FLT3: variants seen among roughly 807,000 people sequenced by gnomAD.
FLT3 encodes the protein fms related receptor tyrosine kinase 3, also known as receptor-type tyrosine-protein kinase FLT3.
FLT3 carries 46 observed loss-of-function variants against 126.6 expected under a neutral mutation model. That is an observed-to-expected ratio of 0.36 (90% confidence interval 0.29 to 0.46). The LOEUF (loss-of-function observed/expected upper bound fraction) is 0.46. Ranked by LOEUF, FLT3 falls within the 20% of genes least tolerant of loss-of-function variation. The pLI is 1.00. For synonymous variants in FLT3, 404 were observed against 434.4 expected (o/e 0.93, Z 0.87); for missense variants, 1,069 against 1,190.3 (o/e 0.90, Z 1.50).
intron 3 of FLT3, among the ~76,000 whole-genome samples, chr13:28,060,149 C>T (rs1860807952): frequency 6.7e-6 from 1 of 149,082 alleles, no homozygotes; most frequent in South Asian, 2.1e-4. Flanking sequence ...AATCCCAGCA[C>T]TTTGGGAGGC....
At chr13:28,032,939 C>T (rs1466610541) in intron 15 of FLT3, among the ~76,000 whole-genome samples, 1 of 152,106 alleles carries the variant, frequency 6.6e-6, no homozygotes, top group Non-Finnish European at 1.5e-5. Flanking sequence ...GCTGGGTCAG[C>T]GGTGGTAACG....
chr13:28,098,314 C>CAAAAAAAAA (rs55675449), intron 1 of FLT3, among the ~76,000 whole-genome samples: 13 of 85,298 alleles, frequency 1.5e-4, no homozygotes, highest in African/African-American at 5.1e-4. Flanking sequence ...GACTCCGTCT[C>CAAAAAAAAA]AAAAAAAAAA....
rs754405525 is a variant in FLT3, at chr13:28,035,401, T to C, written c.1597+94A>G. 4 of 1,162,210 alleles carry C rather than the reference T, an allele frequency of 3.4e-6. No individual in the cohort carries two copies. The Admixed American group carries it at 8.0e-5, about 23-fold the overall frequency. The allele number at this position is 1,162,210 out of a possible 1,614,324, so 72.0% of individuals were successfully genotyped here. ...TTTCTCACACACTGACCCTATACTC[T>C]CCTGTAAAATTCCCCAAGTAAAAGT... is the stretch of plus-strand genomic sequence containing the variant. On this transcript the variant is annotated intron_variant, in intron 12 of 23. Coordinates refer to ENST00000241453, the MANE Select transcript of FLT3 (RefSeq NM_004119.3).
chr13:28,019,636 C>T (rs935393021), intron 19 of FLT3, among the ~76,000 whole-genome samples: 1 of 152,152 alleles, frequency 6.6e-6, no homozygotes, highest in African/African-American at 2.4e-5. Flanking sequence ...CCACTTTACC[C>T]CAGGTCTGCA....
At chr13:28,015,820 A>G (rs1461346262) in intron 20 of FLT3, 119 bp from the exon 21 acceptor site, 1 of 650,712 alleles carries the variant, frequency 1.5e-6, no homozygotes, top group Non-Finnish European at 2.7e-6. Context: ...TGCCTTATTG[A>G]GAAAATCACA....
chr13:28,003,598 A>T lies in FLT3; in HGVS notation c.*454T>A. On this transcript the variant is annotated 3_prime_UTR_variant, in exon 24 of 24. Transcript: ENST00000241453. ...TTGCCCTAATTATACCATGTAAATAATTCAATAATGGGCAATTCTGTAGTA... is the reference window on the plus strand; with the variant it reads ...TTGCCCTAATTATACCATGTAAATATTTCAATAATGGGCAATTCTGTAGTA... 4.1e-6 allele frequency: 1 copy of T among 246,034 alleles called. No homozygotes were observed. The highest frequency in any genetic ancestry group is 8.0e-6 in the Non-Finnish European group (1 of 124,520). 15.2% of individuals were successfully genotyped at this position (246,034 alleles called of 1,614,324 possible).
chr13:28,038,368 G>T (rs1250775698), intron 9 of FLT3, among the ~76,000 whole-genome samples: 2 of 151,186 alleles, frequency 1.3e-5, no homozygotes, highest in Admixed American at 1.3e-4. Context: ...TGGAGAAAAA[G>T]AAAAAAATTC....
At chr13:28,039,224 T>A (rs1203354714) in intron 9 of FLT3, among the ~76,000 whole-genome samples, 2 of 152,188 alleles carry the variant, frequency 1.3e-5, no homozygotes, top group Non-Finnish European at 2.9e-5. Flanking sequence ...TTTATTGATA[T>A]GGAGTCTCAC....
Position 28,015,261 on chromosome 13 carries a change from G to A in FLT3, c.2654-5C>T, listed in dbSNP as rs2137611696. ...TGCCAGGGTAAGGATTCACACCTGA[G>A]GAAAACATTAGACAATTGCAGCCAT... On this transcript the variant is annotated splice_region_variant and splice_polypyrimidine_tract_variant and intron_variant, in intron 21 of 23. Transcript: ENST00000241453. 1.3e-6 allele frequency: 2 copies of A among 1,560,270 alleles called. No homozygotes were observed. Among genetic ancestry groups the A allele is most frequent in the Non-Finnish European group, 1.8e-6 (2 of 1,132,002 alleles).
intron 4 of FLT3, 140 bp downstream of exon 4, chr13:28,057,207 A>G (rs1876091389): frequency 1.6e-6 from 1 of 630,906 alleles, no homozygotes; most frequent in Non-Finnish European, 2.8e-6. Context: ...GAGGGTTGAC[A>G]GGAATCTAAT....
intron 19 of FLT3, among the ~76,000 whole-genome samples, chr13:28,022,024 A>G (rs1872438803): frequency 6.6e-6 from 1 of 151,680 alleles, no homozygotes; most frequent in African/African-American, 2.4e-5. Flanking sequence ...GGCGTGAGCT[A>G]CCACGCCCGG....
At chr13:28,075,602 G>A (rs1051756279) in intron 1 of FLT3, among the ~76,000 whole-genome samples, 6 of 151,762 alleles carry the variant, frequency 4.0e-5, no homozygotes, top group African/African-American at 1.5e-4. Flanking sequence ...GCGCATGCCT[G>A]TAGTCCCAGC....
At chr13:28,028,366 A>G (rs1873002496) in intron 15 of FLT3, 78 bp from the exon 16 acceptor site, 1 of 754,312 alleles carries the variant, frequency 1.3e-6, no homozygotes, top group Non-Finnish European at 2.3e-6. Context: ...AATTTTTCTC[A>G]GCTCAGAGTC....
At chr13:28,027,309 C>T in intron 16 of FLT3, 68 bp from the exon 17 acceptor site, 2 of 1,311,502 alleles carry the variant, frequency 1.5e-6, no homozygotes, top group Non-Finnish European at 2.1e-6. Context: ...GTCTATGTAG[C>T]AGACAACATA....
At chr13:28,036,873 G>A (rs979795291) in intron 10 of FLT3, among the ~76,000 whole-genome samples, 5 of 152,162 alleles carry the variant, frequency 3.3e-5, no homozygotes, top group South Asian at 4.1e-4. Flanking sequence ...CCAGCTACTC[G>A]GGAGGCTTAG....
At chr13:28,046,467 A>T (rs918332663) in intron 9 of FLT3, among the ~76,000 whole-genome samples, 2 of 152,224 alleles carry the variant, frequency 1.3e-5, no homozygotes, top group Non-Finnish European at 2.9e-5. Context: ...CATCATTTAC[A>T]AATTCTGTTG....
chr13:28,070,529 T>TG lies in FLT3; in HGVS notation c.126dup (p.Asn43GlnfsTer2). ...GATGACTTCCCCACTGATGAATCAT[T>TG]GTTCTTATGATTGATTAAAACACAC... On this transcript the variant is annotated frameshift_variant, in exon 2 of 24. Transcript: ENST00000241453. LOFTEE classifies it high-confidence loss of function. 1 of 1,603,674 alleles carries TG rather than the reference T, an allele frequency of 6.2e-7. No individual in the cohort carries two copies.
rs1164655708 is a variant in FLT3 at position 28,048,323 on chromosome 13, G to A, written c.1157C>T (p.Ser386Phe). The A allele has an allele frequency of 1.2e-6, 2 of 1,613,908 alleles. No homozygotes were observed. Among genetic ancestry groups the A allele is most frequent in the Non-Finnish European group, 1.7e-6 (2 of 1,179,942 alleles). The change falls in exon 9 of 24, where the codon TCT (serine) becomes TTT (phenylalanine). Residue 386 changes from serine to phenylalanine, a missense_variant. Coordinates refer to ENST00000241453, the MANE Select transcript of FLT3 (RefSeq NM_004119.3). ...YPQIRCTWTFSRKSFPCEQKG... is the reference protein window; with the variant it reads ...YPQIRCTWTFFRKSFPCEQKG... ...TTGCTCACAAGGAAATGATTTTCGA[G>A]AGAAGGTCCACGTACATCTGATTTG... is the stretch of plus-strand genomic sequence containing the variant.
chr13:28,064,593 GC>G (rs1343078365), intron 2 of FLT3, among the ~76,000 whole-genome samples: 2 of 151,938 alleles, frequency 1.3e-5, no homozygotes, highest in African/African-American at 4.8e-5. Context: ...AAAAAGAATG[GC>G]CCTCAAGCAT....
Sources: gnomAD v4.1 joint callset for allele counts (sites outside exome capture counted in the v4.1 genomes callset) on GRCh38, gnomAD v4.1.1 for gene constraint, MANE v1.5 for transcripts, NCBI Gene and HGNC (gene_info 2026-07-23, HGNC 2026-07-21) for gene names.